CEP112: variants seen among roughly 807,000 people sequenced by gnomAD.
CEP112 encodes the protein centrosomal protein 112, also known as centrosomal protein of 112 kDa.
CEP112 carries 127 observed loss-of-function variants against 153.0 expected under a neutral mutation model. The ratio of observed to expected loss-of-function variants is 0.83; its 90% CI spans 0.72 to 0.96. The LOEUF (loss-of-function observed/expected upper bound fraction) is 0.96, where lower values mean the gene tolerates loss of function less well. Ranked by LOEUF, CEP112 falls within the 40% of genes least tolerant of loss-of-function variation. The pLI, the probability that CEP112 is intolerant of heterozygous loss-of-function variation, is 0.00. For missense variants in CEP112, 1,089 were observed against 1,101.2 expected (o/e 0.99, Z 0.16); for synonymous variants, 358 against 374.4 (o/e 0.96, Z 0.51).
At chr17:65,909,676 CA>C (rs1456284135) in intron 19 of CEP112, among the ~76,000 whole-genome samples, 1 of 152,068 alleles carries the variant, frequency 6.6e-6, no homozygotes. Context: ...AGAACAAAAA[CA>C]AACATTAAAT....
chr17:65,863,210 A>C (rs1228224725), intron 20 of CEP112, among the ~76,000 whole-genome samples: 1 of 152,196 alleles, frequency 6.6e-6, no homozygotes, highest in East Asian at 1.9e-4. Context: ...TCCTAATATT[A>C]TTTTGTAAAT....
At chr17:66,164,973 C>G (rs2071889535) in intron 4 of CEP112, among the ~76,000 whole-genome samples, 1 of 148,604 alleles carries the variant, frequency 6.7e-6, no homozygotes, top group Non-Finnish European at 1.5e-5. Flanking sequence ...CCTCTGACAG[C>G]AGAAATTGAC....
intron 20 of CEP112, among the ~76,000 whole-genome samples, chr17:65,871,659 T>A (rs191744552): frequency 1.3e-5 from 2 of 152,210 alleles, no homozygotes; most frequent in African/African-American, 4.8e-5. Context: ...TTAATTAAAT[T>A]AAATAAATAA....
At chr17:66,048,099 TG>T (rs1240003020) in intron 12 of CEP112, among the ~76,000 whole-genome samples, 48 of 121,416 alleles carry the variant, frequency 4.0e-4, no homozygotes, top group Non-Finnish European at 6.7e-4. Context: ...GTATCATTTT[TG>T]TTTTTTTTTT....
At chr17:65,978,552 T>A (rs912987228) in intron 17 of CEP112, among the ~76,000 whole-genome samples, 1 of 152,250 alleles carries the variant, frequency 6.6e-6, no homozygotes, top group African/African-American at 2.4e-5. Context: ...CATAGGATTC[T>A]TTGGAGGATA....
Position 65,943,887 on chromosome 17 carries a change from T to C in CEP112, c.1873-16198A>G, listed in dbSNP as rs567323130. Among the ~76,000 whole-genome samples, 24 of 152,336 alleles carry C rather than the reference T, an allele frequency of 1.6e-4. No individual in the cohort carries two copies. The South Asian group carries it at 4.8e-3, about 30-fold the overall frequency. On this transcript the variant is annotated intron_variant, in intron 18 of 26. Transcript: ENST00000535342. ...TTGGTCTTTTTACATAATCTGATAG[T>C]TCTCAGAGGTGTTGTTCATTTATTT...
rs544808854 is a variant in CEP112 at position 65,654,177 on chromosome 17, T to A, written c.2698-13112A>T. ...ACCGCCTTCTAAGAAATTCCATTCT[T>A]ATTGGGGTTAAAGTATCATGTGTTG... On this transcript the variant is annotated intron_variant, in intron 24 of 26. Transcript: ENST00000535342. 4.6e-5 allele frequency among the ~76,000 whole-genome samples: 7 copies of A among 152,086 alleles called. No individual in the cohort carries two copies. In the East Asian group the frequency reaches 1.4e-3, roughly 29 times the overall value.
chr17:65,773,172 T>C (rs2053479918), intron 21 of CEP112, among the ~76,000 whole-genome samples: 1 of 152,152 alleles, frequency 6.6e-6, no homozygotes, highest in Non-Finnish European at 1.5e-5. Flanking sequence ...CGTGCAAAGG[T>C]ACAGACGCTT....
At chr17:65,834,830 C>T (rs1313319575) in intron 21 of CEP112, among the ~76,000 whole-genome samples, 1 of 152,054 alleles carries the variant, frequency 6.6e-6, no homozygotes, top group Non-Finnish European at 1.5e-5. Flanking sequence ...ATTCAACCCA[C>T]AAATCCCATT....
intron 21 of CEP112, among the ~76,000 whole-genome samples, chr17:65,833,951 T>C (rs991791767): frequency 1.3e-5 from 2 of 152,128 alleles, no homozygotes; most frequent in African/African-American, 4.8e-5. Context: ...CTTCAAACTA[T>C]ACTACAGGGC....
At chr17:65,940,368 C>T (rs1400168171) in intron 18 of CEP112, among the ~76,000 whole-genome samples, 1 of 151,952 alleles carries the variant, frequency 6.6e-6, no homozygotes, top group East Asian at 1.9e-4. Context: ...ATTTTTTCAT[C>T]CAGCAGTCCC....
In CEP112 at chr17:65,974,897, G is replaced by A. The variant is rs1242257343; in HGVS notation, c.1737-13299C>T. Among the ~76,000 whole-genome samples, 3 of 151,970 alleles carry A rather than the reference G, an allele frequency of 2.0e-5. No individual in the cohort carries two copies. In the East Asian group the frequency reaches 5.8e-4, roughly 29 times the overall value. ...AATGAAGGTAGGGTGACACCTCTCT[G>A]AATATACCTAATAGTCCAGGTCTGG... On this transcript the variant is annotated intron_variant, in intron 17 of 26. Coordinates refer to ENST00000535342, the MANE Select transcript of CEP112 (RefSeq NM_001199165.4).
rs541896323 is a variant in CEP112 at position 66,076,419 on chromosome 17, G to A, written c.769-6418C>T. Among the ~76,000 whole-genome samples, 54 of 152,200 alleles carry A rather than the reference G, an allele frequency of 3.5e-4. 2 individuals are homozygous for A. The South Asian group carries it at 0.011, about 32-fold the overall frequency. On this transcript the variant is annotated intron_variant, in intron 8 of 26. Transcript: ENST00000535342. ...AAGACTGTGTGGGAGCTGGGTGAGA[G>A]CTGTGACTGCCAGCCTTCCCTCACT...
chr17:65,809,544 T>C (rs1225465090), intron 21 of CEP112, among the ~76,000 whole-genome samples: 1 of 152,138 alleles, frequency 6.6e-6, no homozygotes, highest in East Asian at 1.9e-4. Flanking sequence ...ATGTAAGATA[T>C]ATTTGAAGCA....
At chr17:66,185,717 G>A (rs989685225) in intron 1 of CEP112, among the ~76,000 whole-genome samples, 1 of 152,126 alleles carries the variant, frequency 6.6e-6, no homozygotes, top group African/African-American at 2.4e-5. Context: ...TCCTGATAGG[G>A]ATGTGCGCTA....
At chr17:65,678,595 A>C (rs232101) in intron 24 of CEP112, among the ~76,000 whole-genome samples, 75,255 of 152,028 alleles carry the variant, frequency 0.5, 19,126 homozygotes, top group African/African-American at 0.59. Context: ...AAGGCAGGCA[A>C]AGCCTGGCTT....
At chr17:65,846,694 G>A (rs1039971578) in intron 21 of CEP112, among the ~76,000 whole-genome samples, 5 of 152,096 alleles carry the variant, frequency 3.3e-5, no homozygotes, top group Non-Finnish European at 7.4e-5. Flanking sequence ...TCAGCTTCCC[G>A]AGTAGCTGGG....
intron 4 of CEP112, among the ~76,000 whole-genome samples, chr17:66,139,756 C>T (rs960935647): frequency 6.6e-6 from 1 of 152,036 alleles, no homozygotes; most frequent in African/African-American, 2.4e-5. Context: ...AAAATATGAA[C>T]AGACCAATAA....
At chr17:66,182,153 C>G (rs1186512247) in intron 2 of CEP112, 2 of 152,154 alleles carry the variant, frequency 1.3e-5, no homozygotes, top group African/African-American at 4.8e-5. Flanking sequence ...TAGGTGAGCA[C>G]AATACAATAA....
Sources: gnomAD v4.1 joint callset for allele counts (sites outside exome capture counted in the v4.1 genomes callset) on GRCh38, gnomAD v4.1.1 for gene constraint, MANE v1.5 for transcripts, NCBI Gene and HGNC (gene_info 2026-07-23, HGNC 2026-07-21) for gene names.